EXOC6B: variants seen among roughly 807,000 people sequenced by gnomAD.
EXOC6B encodes exocyst complex component 6B, also known as SEC15 homolog B.
Under a neutral mutation model 113.5 loss-of-function variants are expected in EXOC6B, and 54 were observed. The observed-to-expected ratio is 0.48, with a 90% CI of 0.38 to 0.60. EXOC6B has a LOEUF of 0.60. Ranked by LOEUF, EXOC6B falls within the 20% of genes least tolerant of loss-of-function variation. EXOC6B has a pLI of 0.00. For missense variants in EXOC6B, 797 were observed against 977.5 expected (o/e 0.82, Z 2.46); for synonymous variants, 357 against 339.0 (o/e 1.05, Z -0.58).
intron 1 of EXOC6B, among the ~76,000 whole-genome samples, chr2:72,749,202 T>C (rs1681887513): frequency 6.6e-6 from 1 of 152,132 alleles, no homozygotes; most frequent in Admixed American, 6.6e-5. Context: ...CTGGTGATAC[T>C]TATTGACTCT....
chr2:72,561,985 C>T (rs574609613), intron 7 of EXOC6B, among the ~76,000 whole-genome samples: 68 of 152,030 alleles, frequency 4.5e-4, no homozygotes, highest in Non-Finnish European at 6.9e-4. Flanking sequence ...ATGGGGCTTC[C>T]GTTCACAACC....
intron 6 of EXOC6B, among the ~76,000 whole-genome samples, chr2:72,606,332 A>G (rs1024554374): frequency 9.8e-5 from 15 of 152,290 alleles, no homozygotes; most frequent in African/African-American, 3.6e-4. Flanking sequence ...TACATATGCC[A>G]TAAGTTAACA....
intron 18 of EXOC6B, among the ~76,000 whole-genome samples, chr2:72,398,796 C>T (rs142006326): frequency 6.7e-6 from 1 of 150,030 alleles, no homozygotes; most frequent in Non-Finnish European, 1.5e-5. Context: ...CTGATTACTA[C>T]AGCATTTGAA....
chr2:72,661,419 T>C (rs1675007429), intron 6 of EXOC6B, among the ~76,000 whole-genome samples: 1 of 148,624 alleles, frequency 6.7e-6, no homozygotes, highest in African/African-American at 2.5e-5. Context: ...TTGACAAGCT[T>C]GTACAATATA....
intron 1 of EXOC6B, among the ~76,000 whole-genome samples, chr2:72,786,105 A>C (rs1026070845): frequency 5.3e-5 from 8 of 152,240 alleles, no homozygotes; most frequent in African/African-American, 1.9e-4. Context: ...CATTCTACAA[A>C]ACAAGGAAGC....
chr2:72,392,465 T>A (rs192244842), intron 18 of EXOC6B, among the ~76,000 whole-genome samples: 1 of 152,240 alleles, frequency 6.6e-6, no homozygotes, highest in South Asian at 2.1e-4. Context: ...AAATAATTCA[T>A]CTTTGATACA....
chr2:72,793,327 T>C (rs555509456), intron 1 of EXOC6B, among the ~76,000 whole-genome samples: 7 of 152,278 alleles, frequency 4.6e-5, no homozygotes, highest in African/African-American at 1.7e-4. Flanking sequence ...ACAACTTTCA[T>C]ACACACTCTT....
At chr2:72,654,030 C>T (rs1383491073) in intron 6 of EXOC6B, among the ~76,000 whole-genome samples, 6 of 150,752 alleles carry the variant, frequency 4.0e-5, no homozygotes, top group East Asian at 1.9e-4. Context: ...AGTGCAGTGC[C>T]GCGATCTCTG....
At chr2:72,304,563 G>T (rs1264746369) in intron 20 of EXOC6B, among the ~76,000 whole-genome samples, 1 of 152,038 alleles carries the variant, frequency 6.6e-6, no homozygotes, top group South Asian at 2.1e-4. Flanking sequence ...GTTAGAAAAG[G>T]TATGTATGTT....
chr2:72,479,147 A>G (rs115918591), intron 17 of EXOC6B, among the ~76,000 whole-genome samples: 1 of 152,302 alleles, frequency 6.6e-6, no homozygotes, highest in African/African-American at 2.4e-5. Flanking sequence ...GTAAGTCATG[A>G]TATGAACATA....
intron 18 of EXOC6B, among the ~76,000 whole-genome samples, chr2:72,434,004 C>T (rs766484265): frequency 5.3e-4 from 80 of 152,056 alleles, no homozygotes; most frequent in Non-Finnish European, 9.4e-4. Context: ...GAATGCTTCC[C>T]GCTTTTGCCC....
At chr2:72,606,692 A>G (rs1193679684) in intron 6 of EXOC6B, among the ~76,000 whole-genome samples, 1 of 145,158 alleles carries the variant, frequency 6.9e-6, no homozygotes, top group African/African-American at 2.6e-5. Flanking sequence ...GCAGTGGCCC[A>G]CTCTCGGTTC....
chr2:72,717,391 G>A (rs1411754275), intron 6 of EXOC6B, among the ~76,000 whole-genome samples: 2 of 152,054 alleles, frequency 1.3e-5, no homozygotes, highest in Non-Finnish European at 2.9e-5. Flanking sequence ...ACTGACTCTT[G>A]TATTTGTTGC....
At chr2:72,503,788 T>A (rs1009907332) in intron 11 of EXOC6B, among the ~76,000 whole-genome samples, 4 of 152,224 alleles carry the variant, frequency 2.6e-5, no homozygotes, top group Admixed American at 2.6e-4. Flanking sequence ...CAAAGCTGGC[T>A]GTACCATTTT....
chr2:72,238,335 G>C (rs1055078809), intron 20 of EXOC6B, among the ~76,000 whole-genome samples: 1 of 151,870 alleles, frequency 6.6e-6, no homozygotes, highest in East Asian at 1.9e-4. Context: ...ATTTTCATTT[G>C]TTGGCTATTA....
intron 18 of EXOC6B, among the ~76,000 whole-genome samples, chr2:72,452,277 C>T (rs1465234402): frequency 6.6e-6 from 1 of 152,118 alleles, no homozygotes; most frequent in East Asian, 1.9e-4. Flanking sequence ...TGCATGATGT[C>T]CCTGTTAGAC....
intron 6 of EXOC6B, among the ~76,000 whole-genome samples, chr2:72,576,461 G>A (rs896315102): frequency 6.6e-6 from 1 of 152,022 alleles, no homozygotes; most frequent in African/African-American, 2.4e-5. Context: ...GAGCTAGAAG[G>A]TACCTTAATT....
chr2:72,607,827 G>A (rs1023551789), intron 6 of EXOC6B, among the ~76,000 whole-genome samples: 17 of 152,094 alleles, frequency 1.1e-4, no homozygotes, highest in Admixed American at 3.9e-4. Context: ...GGTCAGAGGC[G>A]TAGTACTGAA....
chr2:72,809,284 C>A (rs546468885), intron 1 of EXOC6B, among the ~76,000 whole-genome samples: 1 of 151,916 alleles, frequency 6.6e-6, no homozygotes, highest in Non-Finnish European at 1.5e-5. Flanking sequence ...AGATAGAGAT[C>A]AACAAAGTGG....
Sources: gnomAD v4.1 joint callset for allele counts (sites outside exome capture counted in the v4.1 genomes callset) on GRCh38, gnomAD v4.1.1 for gene constraint, MANE v1.5 for transcripts, NCBI Gene and HGNC (gene_info 2026-07-23, HGNC 2026-07-21) for gene names.